Variants in DIS3L2 observed in about 807,000 individuals in gnomAD.
The protein encoded by DIS3L2 is DIS3-like exonuclease 2.
In DIS3L2, 34 loss-of-function variants were observed where a neutral mutation model predicts 97.5. The observed-to-expected ratio is 0.35, with a 90% confidence interval of 0.27 to 0.46. DIS3L2 has a LOEUF of 0.46. Among genes scored for constraint, DIS3L2 ranks in the 20% least tolerant of loss-of-function variants. The probability of loss-of-function intolerance (pLI) is 1.00; values close to 1 mark genes in which losing one functional copy is unlikely to be tolerated. For missense variants in DIS3L2, 1,038 were observed against 1,146.0 expected (o/e 0.91, Z 1.36); for synonymous variants, 435 against 445.2 (o/e 0.98, Z 0.29).
intron 14 of DIS3L2, among the ~76,000 whole-genome samples, chr2:232,326,636 C>A (rs139542002): frequency 6.7e-6 from 1 of 148,712 alleles, no homozygotes; most frequent in South Asian, 2.1e-4. Context: ...AGTGGACTTT[C>A]TGTGGTGCTA....
chr2:232,199,257 A>G (rs1401812792), intron 9 of DIS3L2, among the ~76,000 whole-genome samples: 1 of 152,230 alleles, frequency 6.6e-6, no homozygotes, highest in Non-Finnish European at 1.5e-5. Context: ...AGGAATGGGC[A>G]TATTTCTTGA....
chr2:232,319,296 T>C (rs1695363270), intron 14 of DIS3L2, among the ~76,000 whole-genome samples: 1 of 152,250 alleles, frequency 6.6e-6, no homozygotes, highest in South Asian at 2.1e-4. Flanking sequence ...CGTATAAGCA[T>C]GTCCTGGTGA....
intron 1 of DIS3L2, among the ~76,000 whole-genome samples, chr2:231,976,765 C>CTTTTT (rs34911392): frequency 6.4e-5 from 8 of 124,470 alleles, no homozygotes; most frequent in Non-Finnish European, 8.3e-5. Context: ...AACACGAAGC[C>CTTTTT]TTTTTTTTTT....
rs759644979 is a variant in DIS3L2 at position 232,136,729 on chromosome 2, C to T, written c.950+10C>T. ...GCAATTTTGCCCTGGGGTAGGTGAT[C>T]TCTGGTAGGAAAAACCACAGGTCAC... On this transcript the variant is annotated intron_variant, in intron 8 of 20. Transcript: ENST00000325385. 12 of 1,611,822 alleles carry T rather than the reference C, an allele frequency of 7.4e-6. No individual in the cohort carries two copies. The South Asian group carries it at 1.3e-4, about 18-fold the overall frequency.
chr2:232,233,825 A>T (rs1187064376), intron 10 of DIS3L2, among the ~76,000 whole-genome samples: 1 of 152,234 alleles, frequency 6.6e-6, no homozygotes, highest in East Asian at 1.9e-4. Context: ...TTTAGATTTT[A>T]AAGAGCTTGT....
At chr2:232,220,710 CAAA>C (rs1371906180) in intron 10 of DIS3L2, among the ~76,000 whole-genome samples, 1 of 151,516 alleles carries the variant, frequency 6.6e-6, no homozygotes, top group African/African-American at 2.4e-5. Context: ...CCATCTAAAA[CAAA>C]AGAAAAGAAA....
intron 1 of DIS3L2, among the ~76,000 whole-genome samples, chr2:231,967,313 A>G (rs72985634): frequency 0.011 from 1,714 of 152,304 alleles, 19 homozygotes; most frequent in Non-Finnish European, 0.016. Context: ...GTCCTCCTCT[A>G]ATGAAATTGG....
chr2:232,187,439 A>C (rs1423542339), intron 9 of DIS3L2, among the ~76,000 whole-genome samples: 1 of 152,092 alleles, frequency 6.6e-6, no homozygotes, highest in South Asian at 2.1e-4. Flanking sequence ...AAACTTGTAC[A>C]TGAATTATTA....
chr2:232,093,784 T>A (rs1696918944), intron 6 of DIS3L2, among the ~76,000 whole-genome samples: 1 of 152,174 alleles, frequency 6.6e-6, no homozygotes, highest in Non-Finnish European at 1.5e-5. Context: ...GATTTGTCAG[T>A]TTTGTGTAAC....
intron 12 of DIS3L2, among the ~76,000 whole-genome samples, chr2:232,250,522 C>T (rs903666283): frequency 1.3e-5 from 2 of 150,518 alleles, no homozygotes; most frequent in African/African-American, 4.9e-5. Flanking sequence ...CAGCAGAACC[C>T]TAAACAATTC....
At chr2:232,051,174 G>C (rs1489388180) in intron 5 of DIS3L2, among the ~76,000 whole-genome samples, 1 of 152,120 alleles carries the variant, frequency 6.6e-6, no homozygotes, top group Non-Finnish European at 1.5e-5. Flanking sequence ...CTCCATTCTA[G>C]ATCCTTTGTT....
chr2:232,120,621 G>A (rs1697870703), intron 6 of DIS3L2, among the ~76,000 whole-genome samples: 1 of 152,080 alleles, frequency 6.6e-6, no homozygotes. Flanking sequence ...TCGCTTTCAG[G>A]CCTCCCCTGG....
chr2:232,165,551 A>C (rs1690778247), intron 9 of DIS3L2, among the ~76,000 whole-genome samples: 1 of 152,200 alleles, frequency 6.6e-6, no homozygotes, highest in African/African-American at 2.4e-5. Context: ...TTAAGACAGC[A>C]TCTCACTCTG....
At chr2:232,035,636 T>C (rs1030638312) in intron 5 of DIS3L2, among the ~76,000 whole-genome samples, 1 of 152,228 alleles carries the variant, frequency 6.6e-6, no homozygotes, top group Non-Finnish European at 1.5e-5. Context: ...CAGTGGCTGG[T>C]ACCAGTTTTT....
chr2:232,114,481 G>T (rs769214975), intron 6 of DIS3L2, among the ~76,000 whole-genome samples: 1 of 152,284 alleles, frequency 6.6e-6, no homozygotes, highest in South Asian at 2.1e-4. Context: ...CATGGATTCA[G>T]GTTGTGATTA....
rs188000263 is a variant in DIS3L2, at chr2:232,015,726, C to T, written c.210+55C>T. The stretch of plus-strand genomic sequence containing the variant: ...CTGAATATGTAGAATCCAAAACAAT[C>T]TATTAAACTGTTTCCTGTTCTGTGC... On this transcript the variant is annotated intron_variant, in intron 3 of 20. Coordinates refer to ENST00000325385, the MANE Select transcript of DIS3L2 (RefSeq NM_152383.5). The T allele has an allele frequency of 2.8e-5, 45 of 1,587,884 alleles. No homozygotes were observed. In the East Asian group the frequency reaches 9.8e-4, roughly 35 times the overall value.
chr2:232,210,271 G>A, intron 9 of DIS3L2, 55 bp from the exon 10 acceptor site: 6 of 1,359,422 alleles, frequency 4.4e-6, no homozygotes, highest in Non-Finnish European at 5.3e-6. Context: ...TACTATGGTG[G>A]GGTAAAGTTG....
intron 8 of DIS3L2, among the ~76,000 whole-genome samples, chr2:232,153,644 C>A (rs1690384389): frequency 8.8e-6 from 1 of 113,630 alleles, no homozygotes; most frequent in Non-Finnish European, 1.8e-5. Context: ...TTTTTTCCTT[C>A]ATTTCAACTT....
chr2:232,067,114 T>C (rs534989992), intron 5 of DIS3L2, among the ~76,000 whole-genome samples: 26 of 152,198 alleles, frequency 1.7e-4, no homozygotes, highest in African/African-American at 5.8e-4. Context: ...TAGTTTTTGG[T>C]CTGATTTTCT....
Sources: gnomAD v4.1 joint callset for allele counts (sites outside exome capture counted in the v4.1 genomes callset) on GRCh38, gnomAD v4.1.1 for gene constraint, MANE v1.5 for transcripts, NCBI Gene and HGNC (gene_info 2026-07-23, HGNC 2026-07-21) for gene names.